The following ADAMTS18 variants were observed in gnomAD, a reference collection of about 807,000 sequenced individuals.
ADAMTS18 encodes ADAM metallopeptidase with thrombospondin type 1 motif 18, also known as A disintegrin and metalloproteinase with thrombospondin motifs 18.
ADAMTS18 carries 157 observed loss-of-function variants against 165.9 expected under a neutral mutation model. The observed-to-expected ratio is 0.95, with a 90% CI of 0.83 to 1.08. The LOEUF (loss-of-function observed/expected upper bound fraction) is 1.08. ADAMTS18 is among the 50% of genes least tolerant of loss of function. The pLI is 0.00. For synonymous variants in ADAMTS18, 782 were observed against 578.2 expected (o/e 1.35, Z -5.06); for missense variants, 2,040 against 1,534.0 (o/e 1.33, Z -5.51).
chr16:77,365,220 T>C (rs1484816537), intron 4 of ADAMTS18, among the ~76,000 whole-genome samples: 2 of 152,148 alleles, frequency 1.3e-5, no homozygotes, highest in Non-Finnish European at 2.9e-5. Flanking sequence ...GTAGAATGGA[T>C]CAACAAAAAT....
chr16:77,349,187 G>C (rs1462313479), intron 10 of ADAMTS18, among the ~76,000 whole-genome samples: 1 of 151,962 alleles, frequency 6.6e-6, no homozygotes, highest in East Asian at 1.9e-4. Flanking sequence ...TTAAATGTTG[G>C]AACCCCAAAC....
chr16:77,285,083 ATTC>A (rs780614270), intron 22 of ADAMTS18, among the ~76,000 whole-genome samples: 2 of 152,150 alleles, frequency 1.3e-5, no homozygotes, highest in African/African-American at 4.8e-5. Flanking sequence ...TACATCAAGA[ATTC>A]TTACTCAGAT....
Position 77,320,110 on chromosome 16 carries a change from G to C in ADAMTS18, c.2288-17C>G, listed in dbSNP as rs1260431713. 4 of 1,613,824 alleles carry C rather than the reference G, an allele frequency of 2.5e-6. No individual in the cohort carries two copies. Among genetic ancestry groups the C allele is most frequent in the African/African-American group, 2.7e-5 (2 of 74,934 alleles). On this transcript the variant is annotated splice_polypyrimidine_tract_variant and intron_variant, in intron 15 of 22. Coordinates refer to ENST00000282849, the MANE Select transcript of ADAMTS18 (RefSeq NM_199355.4). ...GATAATATTCTAAATGGAAAGAAGA[G>C]AACATGTCTGAATTCCACCCCATGC...
chr16:77,417,801 A>G (rs1002622425), intron 3 of ADAMTS18, among the ~76,000 whole-genome samples: 5 of 152,262 alleles, frequency 3.3e-5, no homozygotes, highest in African/African-American at 9.6e-5. Flanking sequence ...TACAATAGAT[A>G]GAAAAACCTA....
At chr16:77,398,986 C>T (rs1472672872) in intron 3 of ADAMTS18, among the ~76,000 whole-genome samples, 1 of 152,168 alleles carries the variant, frequency 6.6e-6, no homozygotes, top group Non-Finnish European at 1.5e-5. Flanking sequence ...AGAAATAGAA[C>T]TGACATGATC....
At position 77,353,864 on chromosome 16, in the gene ADAMTS18, C is replaced by T. The variant is rs1243341069; in HGVS notation, c.1483G>A (p.Val495Met). ...TGTCCTGCTTGCTTGGGCTCATCCA[C>T]TAGACACCCCGCCTGAGGTGTGCTG... is the stretch of plus-strand genomic sequence containing the variant. ...FLSTPQAGCL[V>M]DEPKQAGQYK... is the part of the protein sequence containing the mutation. The change falls in exon 10 of 23, where the codon GTG (valine) becomes ATG (methionine). Residue 495 changes from valine to methionine, a missense_variant. Val to Met is a conservative substitution (Grantham distance 21, BLOSUM62 1). Transcript: ENST00000282849. 6.2e-7 allele frequency: 1 copy of T among 1,614,166 alleles called. No individual in the cohort carries two copies. The highest frequency in any genetic ancestry group is 8.5e-7 in the Non-Finnish European group (1 of 1,180,020).
At chr16:77,367,035 C>T (rs1454104671) in intron 4 of ADAMTS18, among the ~76,000 whole-genome samples, 1 of 152,148 alleles carries the variant, frequency 6.6e-6, no homozygotes, top group African/African-American at 2.4e-5. Flanking sequence ...ACCTGTGTTT[C>T]ACAGCTACCT....
chr16:77,379,064 T>C (rs1054314678), intron 3 of ADAMTS18: 3 of 152,242 alleles, frequency 2.0e-5, no homozygotes, highest in Non-Finnish European at 4.4e-5. Flanking sequence ...TTTTTCTACC[T>C]TGGACAGATG....
intron 1 of ADAMTS18, 28 bp downstream of exon 1, chr16:77,434,578 T>G (rs1229146188): frequency 1.3e-6 from 2 of 1,528,984 alleles, no homozygotes; most frequent in East Asian, 2.5e-5. Context: ...TGCCACCCGC[T>G]CTCGGAGCTC....
At chr16:77,350,116 C>G (rs1348288069) in intron 10 of ADAMTS18, among the ~76,000 whole-genome samples, 3 of 152,218 alleles carry the variant, frequency 2.0e-5, no homozygotes, top group Non-Finnish European at 4.4e-5. Flanking sequence ...GTAAGCATTT[C>G]TAAAGTGCAG....
chr16:77,413,047 A>AT (rs749958681), intron 3 of ADAMTS18, among the ~76,000 whole-genome samples: 1 of 152,114 alleles, frequency 6.6e-6, no homozygotes, highest in Non-Finnish European at 1.5e-5. Context: ...ATTTATATGT[A>AT]TAAAAAAAAA....
At chr16:77,336,005 G>C in intron 11 of ADAMTS18, 101 bp from the exon 12 acceptor site, 2 of 1,435,732 alleles carry the variant, frequency 1.4e-6, no homozygotes, top group Non-Finnish European at 2.0e-6. Flanking sequence ...AGGTCTGTTG[G>C]GAGAAAAGGA....
rs1436907863 is a variant in ADAMTS18, at chr16:77,294,084, TG to T, written c.3007-827del. Among the ~76,000 whole-genome samples, 7 of 152,104 alleles carry T rather than the reference TG, an allele frequency of 4.6e-5. No individual in the cohort carries two copies. The South Asian group carries it at 1.0e-3, about 22-fold the overall frequency. On this transcript the variant is annotated intron_variant, in intron 19 of 22. Transcript: ENST00000282849. ...ACGCTAAAGGAAAACACAGAAGAAC[TG>T]TCATCAGTGGCTGCTACCTGGCCCC...
intron 22 of ADAMTS18, among the ~76,000 whole-genome samples, chr16:77,287,029 C>CTGTT (rs2055266844): frequency 1.3e-5 from 2 of 152,126 alleles, no homozygotes; most frequent in South Asian, 4.1e-4. Context: ...GACAACAAAG[C>CTGTT]TGTTTGGTGA....
chr16:77,431,687 A>C, intron 2 of ADAMTS18, 76 bp from the exon 3 acceptor site: 4 of 1,455,516 alleles, frequency 2.7e-6, no homozygotes, highest in Non-Finnish European at 3.8e-6. Context: ...AAGCTGGCAA[A>C]GAGCAACACA....
chr16:77,282,797 A>AAATACTCTTATTCAG lies in ADAMTS18; in HGVS notation c.*1144_*1158dup, dbSNP rs1485725386. On this transcript the variant is annotated 3_prime_UTR_variant, in exon 23 of 23. Coordinates refer to ENST00000282849, the MANE Select transcript of ADAMTS18 (RefSeq NM_199355.4). ...CCAACAGCTGGCTTCTGATGACTGA[A>AAATACTCTTATTCAG]AATACTCTTATTCAGTGAGGGTCTT... is the stretch of plus-strand genomic sequence containing the variant. The AAATACTCTTATTCAG allele has an allele frequency of 2.0e-5, 3 of 152,558 alleles. No homozygotes were observed. The East Asian group carries it at 5.8e-4, about 29-fold the overall frequency. 9.5% of individuals were successfully genotyped at this position (152,558 alleles called of 1,614,324 possible).
intron 13 of ADAMTS18, 106 bp from the exon 14 acceptor site, chr16:77,322,572 G>C: frequency 7.1e-7 from 1 of 1,403,716 alleles, no homozygotes; most frequent in Non-Finnish European, 9.9e-7. Flanking sequence ...CTATCATGAT[G>C]AATATGGAAA....
chr16:77,317,455 TC>T (rs1311547156), intron 16 of ADAMTS18, among the ~76,000 whole-genome samples: 1 of 152,152 alleles, frequency 6.6e-6, no homozygotes, highest in Non-Finnish European at 1.5e-5. Context: ...TGCCTCAGCC[TC>T]CCGACTAGCT....
At position 77,290,243 on chromosome 16, in the gene ADAMTS18, C is replaced by T. The variant is rs375805517; in HGVS notation, c.3403-832G>A. Among the ~76,000 whole-genome samples, 13 of 152,218 alleles carry T rather than the reference C, an allele frequency of 8.5e-5. No homozygotes were observed. In the East Asian group the frequency reaches 1.5e-3, roughly 18 times the overall value. On this transcript the variant is annotated intron_variant, in intron 21 of 22. Transcript: ENST00000282849. ...AAATATTTCAGGCTGTATAGGCATA[C>T]GGCCTCTGTTGCAAGTACTCCTCAC...
Sources: allele counts gnomAD v4.1 joint callset (sites outside exome capture counted in the v4.1 genomes callset), GRCh38; gene constraint gnomAD v4.1.1; transcripts MANE v1.5; gene names NCBI Gene and HGNC (gene_info 2026-07-23, HGNC 2026-07-21).